STT3B: variants seen among roughly 807,000 people sequenced by gnomAD.
The protein encoded by STT3B is dolichyl-diphosphooligosaccharide--protein glycosyltransferase subunit STT3B.
In STT3B, 29 loss-of-function variants were observed where a neutral mutation model predicts 96.8. The ratio of observed to expected loss-of-function variants is 0.30; its 90% confidence interval spans 0.22 to 0.41. The LOEUF is 0.41. STT3B is among the 10% of genes least tolerant of loss of function. The probability of loss-of-function intolerance (pLI) is 1.00; values close to 1 mark genes in which losing one functional copy is unlikely to be tolerated. For synonymous variants in STT3B, 367 were observed against 360.0 expected, an observed-to-expected ratio of 1.02 and a Z score of -0.22; for missense variants, 640 against 1,022.3, an observed-to-expected ratio of 0.63 and a Z score of 5.10.
chr3:31,565,472 CT>C (rs1697982665), intron 1 of STT3B, among the ~76,000 whole-genome samples: 2 of 152,136 alleles, frequency 1.3e-5, no homozygotes, highest in Non-Finnish European at 2.9e-5. Context: ...CACATACTTA[CT>C]CATAACCTTG....
chr3:31,548,273 G>C (rs1354486285), intron 1 of STT3B, among the ~76,000 whole-genome samples: 1 of 152,010 alleles, frequency 6.6e-6, no homozygotes, highest in Admixed American at 6.5e-5. Flanking sequence ...CAAGTAGTTT[G>C]GCAAAAAGAT....
chr3:31,563,832 T>G (rs1277296272), intron 1 of STT3B, among the ~76,000 whole-genome samples: 1 of 151,970 alleles, frequency 6.6e-6, no homozygotes, highest in Non-Finnish European at 1.5e-5. Context: ...TGAGATGGAG[T>G]CTTGCTCTGT....
chr3:31,560,149 A>G (rs1304784053), intron 1 of STT3B, among the ~76,000 whole-genome samples: 1 of 152,022 alleles, frequency 6.6e-6, no homozygotes. Flanking sequence ...CAGCCAGTGT[A>G]TATCTTTTAA....
intron 1 of STT3B, among the ~76,000 whole-genome samples, chr3:31,569,521 A>G (rs931216868): frequency 2.0e-5 from 3 of 152,192 alleles, no homozygotes; most frequent in African/African-American, 7.2e-5. Flanking sequence ...AACTTTTATG[A>G]AAATTTCAAA....
At chr3:31,628,308 C>T (rs1276083288) in intron 13 of STT3B, among the ~76,000 whole-genome samples, 1 of 152,074 alleles carries the variant, frequency 6.6e-6, no homozygotes, top group Non-Finnish European at 1.5e-5. Context: ...ACCCTGTTCA[C>T]TTCATAATAT....
intron 9 of STT3B, 131 bp downstream of exon 9, chr3:31,619,961 A>G (rs1318221556): frequency 5.3e-6 from 8 of 1,509,434 alleles, no homozygotes; most frequent in South Asian, 3.7e-5. Flanking sequence ...TTTATTTTGC[A>G]TAGGTGCTTA....
At chr3:31,584,094 G>T (rs1184366157) in intron 3 of STT3B, among the ~76,000 whole-genome samples, 1 of 152,136 alleles carries the variant, frequency 6.6e-6, no homozygotes, top group African/African-American at 2.4e-5. Flanking sequence ...GTTAATTTTT[G>T]TATATGGTGT....
chr3:31,560,637 T>A lies in STT3B; in HGVS notation c.315-15759T>A, dbSNP rs1396497452. ...ATCTTTTATTAGTCTTATGGGGGTT[T>A]CTTTATAAGTGACTAGACTCTTTTC... On this transcript the variant is annotated intron_variant, in intron 1 of 15. Transcript: ENST00000295770. Among the ~76,000 whole-genome samples the A allele has an allele frequency of 2.6e-5, 4 of 152,108 alleles. No homozygotes were observed. In the East Asian group the frequency reaches 7.7e-4, roughly 29 times the overall value.
chr3:31,555,888 A>G (rs563020865), intron 1 of STT3B, among the ~76,000 whole-genome samples: 22 of 152,228 alleles, frequency 1.4e-4, no homozygotes, highest in Admixed American at 7.2e-4. Flanking sequence ...TATTATTTCT[A>G]CGTGTTGGGA....
At chr3:31,613,295 C>G (rs1381337630) in intron 5 of STT3B, among the ~76,000 whole-genome samples, 1 of 152,062 alleles carries the variant, frequency 6.6e-6, no homozygotes, top group African/African-American at 2.4e-5. Context: ...GGCAGTGTTA[C>G]AGCATTCAGT....
At chr3:31,537,620 CT>C (rs1697134899) in intron 1 of STT3B, among the ~76,000 whole-genome samples, 1 of 152,156 alleles carries the variant, frequency 6.6e-6, no homozygotes. Flanking sequence ...TTCCTTCCCC[CT>C]TTATGGTTTT....
At chr3:31,596,443 A>G (rs1449362536) in intron 3 of STT3B, among the ~76,000 whole-genome samples, 1 of 151,992 alleles carries the variant, frequency 6.6e-6, no homozygotes, top group Non-Finnish European at 1.5e-5. Flanking sequence ...GAGTGTAGAC[A>G]CCTAAGGAGA....
At position 31,629,415 on chromosome 3, in the gene STT3B, A is replaced by G. The variant is rs1699605610; in HGVS notation, c.2187+4A>G. The G allele has an allele frequency of 6.8e-7, 1 of 1,475,594 alleles. No homozygotes were observed. Among genetic ancestry groups the G allele is most frequent in the Admixed American group, 1.9e-5 (1 of 52,652 alleles). 91.4% of individuals were successfully genotyped at this position (1,475,594 alleles called of 1,614,324 possible). A position where few individuals can be genotyped will look rare whatever the true frequency, so the allele number is the denominator to read the frequency against. Reference sequence around the variant, plus strand: ...CTACAGATTTGGAGAAATGCAGGTTAGTTAAATCCATTTTTCTCTAATTTT... The same window carrying G: ...CTACAGATTTGGAGAAATGCAGGTTGGTTAAATCCATTTTTCTCTAATTTT... On this transcript the variant is annotated splice_donor_region_variant and intron_variant, in intron 14 of 15. Coordinates refer to ENST00000295770, the MANE Select transcript of STT3B (RefSeq NM_178862.3).
intron 15 of STT3B, among the ~76,000 whole-genome samples, chr3:31,635,749 TTGATGGTGAGGATGTCTAGG>T (rs1699743874): frequency 6.6e-6 from 1 of 152,212 alleles, no homozygotes; most frequent in African/African-American, 2.4e-5. Flanking sequence ...ATTCATTCAC[TTGATGGTGAGGATGTCTAGG>T]AACCTAGTCC....
chr3:31,606,066 C>T (rs150618092), intron 5 of STT3B, among the ~76,000 whole-genome samples: 12 of 152,254 alleles, frequency 7.9e-5, no homozygotes, highest in African/African-American at 2.9e-4. Flanking sequence ...ACTTTGAAAT[C>T]GAGGTAGATG....
rs1286347335 is a variant in STT3B at position 31,557,372 on chromosome 3, T to A, written c.315-19024T>A. 2.0e-5 allele frequency among the ~76,000 whole-genome samples: 3 copies of A among 152,168 alleles called. No homozygotes were observed. The East Asian group carries it at 5.8e-4, about 29-fold the overall frequency. On this transcript the variant is annotated intron_variant, in intron 1 of 15. Coordinates refer to ENST00000295770, the MANE Select transcript of STT3B (RefSeq NM_178862.3). ...TTCTCACTCTTCCTTGGTTCTTTAT[T>A]AATTTCAGGACTGTTTTTTCTATTT... is the stretch of plus-strand genomic sequence containing the variant.
intron 1 of STT3B, among the ~76,000 whole-genome samples, chr3:31,567,131 TGATA>T (rs1698024982): frequency 6.6e-6 from 1 of 152,176 alleles, no homozygotes; most frequent in Non-Finnish European, 1.5e-5. Context: ...GTGGTTATTT[TGATA>T]GATAGAAACT....
rs535913202 is a variant in STT3B at position 31,637,144 on chromosome 3, G to A, written c.*1080G>A. On this transcript the variant is annotated 3_prime_UTR_variant, in exon 16 of 16. Transcript: ENST00000295770. ...CAGTTGTCAAAAAATGCACTAAAAT[G>A]TAAATGGAGATTGAACAAGTTCACT... 1.3e-5 allele frequency: 2 copies of A among 152,252 alleles called. No individual in the cohort carries two copies. The highest frequency in any genetic ancestry group is 2.1e-4 in the South Asian group (1 of 4,832). The allele number at this position is 152,252 out of a possible 1,614,324, so 9.4% of individuals were successfully genotyped here.
At chr3:31,607,094 C>T (rs777549781) in intron 5 of STT3B, among the ~76,000 whole-genome samples, 7 of 152,132 alleles carry the variant, frequency 4.6e-5, no homozygotes, top group African/African-American at 7.2e-5. Flanking sequence ...GTGTATTTAT[C>T]GAGTGCCTGT....
Sources: allele counts gnomAD v4.1 joint callset (sites outside exome capture counted in the v4.1 genomes callset), GRCh38; gene constraint gnomAD v4.1.1; transcripts MANE v1.5; gene names NCBI Gene and HGNC (gene_info 2026-07-23, HGNC 2026-07-21).